RSPO3: variants seen among roughly 807,000 people sequenced by gnomAD.
RSPO3 encodes R-spondin-3.
Under a neutral mutation model 36.5 loss-of-function variants are expected in RSPO3, and 17 were observed. The ratio of observed to expected loss-of-function variants is 0.47; its 90% CI spans 0.32 to 0.70. The LOEUF (loss-of-function observed/expected upper bound fraction) is 0.70. Ranked by LOEUF, RSPO3 falls within the 30% of genes least tolerant of loss-of-function variation. The probability of loss-of-function intolerance (pLI) is 0.04; values close to 1 mark genes in which losing one functional copy is unlikely to be tolerated. For missense variants in RSPO3, 294 were observed against 322.5 expected (o/e 0.91, Z 0.68); for synonymous variants, 108 against 107.0 (o/e 1.01, Z -0.06).
chr6:127,160,902 G>A (rs1018182448), intron 4 of RSPO3, among the ~76,000 whole-genome samples: 2 of 152,104 alleles, frequency 1.3e-5, no homozygotes, highest in Non-Finnish European at 2.9e-5. Flanking sequence ...TTGGTCTTCA[G>A]ATGCTCTTTA....
At chr6:127,126,803 T>C (rs1023051854) in intron 1 of RSPO3, among the ~76,000 whole-genome samples, 1 of 152,110 alleles carries the variant, frequency 6.6e-6, no homozygotes, top group African/African-American at 2.4e-5. Context: ...CTACACAGTG[T>C]GGGATCACTT....
At chr6:127,182,212 C>T (rs183614895) in intron 4 of RSPO3, among the ~76,000 whole-genome samples, 1 of 151,944 alleles carries the variant, frequency 6.6e-6, no homozygotes, top group Admixed American at 6.6e-5. Flanking sequence ...CATGAGGGAC[C>T]CACTCCAATG....
At chr6:127,167,261 C>T (rs962893743) in intron 4 of RSPO3, among the ~76,000 whole-genome samples, 3 of 151,890 alleles carry the variant, frequency 2.0e-5, no homozygotes, top group African/African-American at 7.2e-5. Context: ...ATTAATTATT[C>T]TTCCTGATGC....
At chr6:127,175,303 G>T (rs1187221880) in intron 4 of RSPO3, among the ~76,000 whole-genome samples, 6 of 151,682 alleles carry the variant, frequency 4.0e-5, no homozygotes, top group African/African-American at 1.5e-4. Context: ...AAGTCCCAAA[G>T]CATGTTACTT....
At chr6:127,184,141 T>G (rs1775243449) in intron 4 of RSPO3, among the ~76,000 whole-genome samples, 1 of 151,964 alleles carries the variant, frequency 6.6e-6, no homozygotes, top group African/African-American at 2.4e-5. Flanking sequence ...GGAACTATAA[T>G]TCAAGGTAAG....
chr6:127,197,788 T>A lies in RSPO3; in HGVS notation c.*1781T>A. 5.8e-6 allele frequency: 2 copies of A among 343,752 alleles called. No homozygotes were observed. The highest frequency in any genetic ancestry group is 1.1e-5 in the Non-Finnish European group (2 of 189,714). The allele number at this position is 343,752 out of a possible 1,614,324, so 21.3% of individuals were successfully genotyped here. On this transcript the variant is annotated 3_prime_UTR_variant, in exon 5 of 5. Coordinates refer to ENST00000356698, the MANE Select transcript of RSPO3 (RefSeq NM_032784.5). ...TTTATTCCTGTTTCTTATTCTGGTG[T>A]TTCTTTCCTTGTCCCTATGAGATAA...
At chr6:127,140,575 G>A (rs1774249064) in intron 1 of RSPO3, among the ~76,000 whole-genome samples, 1 of 152,168 alleles carries the variant, frequency 6.6e-6, no homozygotes, top group South Asian at 2.1e-4. Context: ...TATCTTCATG[G>A]AATACAAGAT....
chr6:127,169,119 C>T (rs1211914462), intron 4 of RSPO3, among the ~76,000 whole-genome samples: 3 of 151,862 alleles, frequency 2.0e-5, no homozygotes, highest in Non-Finnish European at 4.4e-5. Context: ...GGAATCGCCA[C>T]ACTTACTTCC....
chr6:127,185,106 CTT>C (rs1462435835), intron 4 of RSPO3, among the ~76,000 whole-genome samples: 1 of 151,924 alleles, frequency 6.6e-6, no homozygotes, highest in South Asian at 2.1e-4. Context: ...TTAGTTAACA[CTT>C]AACCTCCAAA....
chr6:127,140,347 C>T (rs543540479), intron 1 of RSPO3, among the ~76,000 whole-genome samples: 1 of 152,126 alleles, frequency 6.6e-6, no homozygotes, highest in African/African-American at 2.4e-5. Context: ...TATTCCCACA[C>T]ACACACTTAC....
At chr6:127,155,153 G>C (rs1774567265) in intron 3 of RSPO3, 88 bp from the exon 4 acceptor site, 14 of 1,336,638 alleles carry the variant, frequency 1.0e-5, no homozygotes, top group Middle Eastern at 2.4e-4. Context: ...ATGTGGGCAA[G>C]TTCTGATGGA....
chr6:127,187,366 A>C (rs1322580180), intron 4 of RSPO3, among the ~76,000 whole-genome samples: 1 of 152,304 alleles, frequency 6.6e-6, no homozygotes, highest in South Asian at 2.1e-4. Flanking sequence ...TATATAAAAC[A>C]ACCAAAGTAT....
intron 1 of RSPO3, among the ~76,000 whole-genome samples, chr6:127,130,097 A>C (rs916682459): frequency 3.3e-5 from 5 of 152,140 alleles, no homozygotes; most frequent in Non-Finnish European, 1.5e-5. Context: ...AATTATCAAC[A>C]AGTAAGTGGT....
At chr6:127,123,476 G>A (rs1006928294) in intron 1 of RSPO3, among the ~76,000 whole-genome samples, 1 of 152,032 alleles carries the variant, frequency 6.6e-6, no homozygotes, top group Admixed American at 6.6e-5. Flanking sequence ...ATTCATATGC[G>A]GTAGTGGCAA....
chr6:127,127,375 A>G (rs1773958664), intron 1 of RSPO3, among the ~76,000 whole-genome samples: 1 of 152,152 alleles, frequency 6.6e-6, no homozygotes, highest in Non-Finnish European at 1.5e-5. Flanking sequence ...AACAAGAAAT[A>G]ATATGCCAAA....
At chr6:127,142,861 G>A (rs543729431) in intron 1 of RSPO3, among the ~76,000 whole-genome samples, 2 of 151,764 alleles carry the variant, frequency 1.3e-5, no homozygotes, top group African/African-American at 4.8e-5. Flanking sequence ...CTGTCATCCA[G>A]GCTGGAGTGC....
chr6:127,140,902 ACTC>A (rs1273795587), intron 1 of RSPO3, among the ~76,000 whole-genome samples: 1 of 151,690 alleles, frequency 6.6e-6, no homozygotes, highest in South Asian at 2.1e-4. Context: ...TTACATAATG[ACTC>A]CTCCTTATTC....
At chr6:127,188,330 C>T (rs770460844) in intron 4 of RSPO3, among the ~76,000 whole-genome samples, 6 of 152,146 alleles carry the variant, frequency 3.9e-5, no homozygotes, top group Non-Finnish European at 8.8e-5. Context: ...TGAAAATACA[C>T]ATTCTAAAAA....
intron 1 of RSPO3, among the ~76,000 whole-genome samples, chr6:127,140,019 G>A (rs73593094): frequency 0.044 from 6,691 of 152,104 alleles, 162 homozygotes; most frequent in South Asian, 0.06. Flanking sequence ...GTAGCTAGTC[G>A]GTTGGTCACA....
Sources: allele counts gnomAD v4.1 joint callset (sites outside exome capture counted in the v4.1 genomes callset), GRCh38; gene constraint gnomAD v4.1.1; transcripts MANE v1.5; gene names NCBI Gene and HGNC (gene_info 2026-07-23, HGNC 2026-07-21).